Variants in ATP8A1 observed in about 807,000 individuals in gnomAD.
The protein encoded by ATP8A1 is ATPase phospholipid transporting 8A1.
In ATP8A1, 90 loss-of-function variants were observed where a neutral mutation model predicts 177.7. The ratio of observed to expected loss-of-function variants is 0.51; its 90% CI spans 0.43 to 0.60. The LOEUF is 0.60. Among genes scored for constraint, ATP8A1 ranks in the 20% least tolerant of loss-of-function variants. ATP8A1 has a pLI of 0.00. For synonymous variants in ATP8A1, 493 were observed against 485.9 expected, an observed-to-expected ratio of 1.01 and a Z score of -0.19; for missense variants, 1,072 against 1,392.8, an observed-to-expected ratio of 0.77 and a Z score of 3.67.
rs73166556 is a variant in ATP8A1, at chr4:42,624,675, T to G, written c.265-41A>C. The stretch of plus-strand genomic sequence containing the variant: ...AAAAAAAGAGAAATCCAATGAGAAC[T>G]AGAAAATTTATAATAGATTCAAGAA... On this transcript the variant is annotated intron_variant, in intron 3 of 36. Transcript: ENST00000381668. 4,998 of 1,099,952 alleles carry G rather than the reference T, an allele frequency of 4.5e-3. 133 individuals are homozygous for G. The African/African-American group carries it at 0.063, about 14-fold the overall frequency. The allele number at this position is 1,099,952 out of a possible 1,614,324, so 68.1% of individuals were successfully genotyped here.
chr4:42,480,748 G>A (rs1721588617), intron 25 of ATP8A1, among the ~76,000 whole-genome samples: 1 of 152,138 alleles, frequency 6.6e-6, no homozygotes, highest in Admixed American at 6.5e-5. Context: ...TGCCTGGAAT[G>A]CCACTCCCAA....
intron 33 of ATP8A1, among the ~76,000 whole-genome samples, chr4:42,435,203 A>C (rs1339475264): frequency 6.6e-6 from 1 of 152,094 alleles, no homozygotes; most frequent in African/African-American, 2.4e-5. Flanking sequence ...AGATGGGTGG[A>C]TCACCTGAGG....
intron 22 of ATP8A1, among the ~76,000 whole-genome samples, chr4:42,517,480 A>C (rs1256709721): frequency 1.3e-5 from 2 of 152,172 alleles, no homozygotes; most frequent in Admixed American, 6.5e-5. Context: ...GGTGACAAAA[A>C]GAGACTAAGA....
chr4:42,423,837 G>C, intron 33 of ATP8A1, 132 bp from the exon 34 acceptor site: 1 of 493,020 alleles, frequency 2.0e-6, no homozygotes, highest in Non-Finnish European at 3.7e-6. Context: ...CTCTGAATTC[G>C]AACTTATGAA....
intron 33 of ATP8A1, among the ~76,000 whole-genome samples, chr4:42,428,742 C>T (rs1424412657): frequency 6.6e-6 from 1 of 152,172 alleles, no homozygotes; most frequent in African/African-American, 2.4e-5. Flanking sequence ...TATCTGACTT[C>T]TGATTGCTTT....
intron 14 of ATP8A1, 34 bp from the exon 15 acceptor site, chr4:42,569,239 G>GA (rs1459965725): frequency 7.0e-6 from 11 of 1,565,402 alleles, no homozygotes; most frequent in Non-Finnish European, 8.7e-6. Context: ...AGAAAGAGAG[G>GA]AAAAATAATC....
At chr4:42,447,806 C>A (rs1717448048) in intron 30 of ATP8A1, among the ~76,000 whole-genome samples, 1 of 152,016 alleles carries the variant, frequency 6.6e-6, no homozygotes, top group Non-Finnish European at 1.5e-5. Context: ...ATAATCAATC[C>A]CTATGGAACT....
chr4:42,518,395 C>G (rs1725780327), intron 22 of ATP8A1, among the ~76,000 whole-genome samples: 1 of 152,124 alleles, frequency 6.6e-6, no homozygotes, highest in African/African-American at 2.4e-5. Flanking sequence ...TTCTAAAAGT[C>G]CACATACAAA....
intron 5 of ATP8A1, 142 bp from the exon 6 acceptor site, chr4:42,600,660 G>A: frequency 1.4e-6 from 1 of 697,732 alleles, no homozygotes; most frequent in Non-Finnish European, 2.3e-6. Flanking sequence ...AATTATGATA[G>A]CAAGAATATG....
Position 42,625,710 on chromosome 4 carries a change from A to G in ATP8A1, c.168T>C (p.Thr56=), listed in dbSNP as rs1279881723. ...LTKFCNNHVS[T]AKYNIITFLP... ...GGAATGTGATTATGTTGTATTTTGC[A>G]GTGCTAGAAAACAAAAATGAAAAGT... is the stretch of plus-strand genomic sequence containing the variant. The change falls in exon 3 of 37, where the codon ACT becomes ACC. Residue 56 remains threonine (T), a synonymous_variant. Coordinates refer to ENST00000381668, the MANE Select transcript of ATP8A1 (RefSeq NM_006095.2). 4.4e-6 allele frequency: 7 copies of G among 1,584,446 alleles called. No homozygotes were observed. Among genetic ancestry groups the G allele is most frequent in the Middle Eastern group, 1.7e-4 (1 of 5,990 alleles).
At chr4:42,471,553 G>C (rs552060853) in intron 25 of ATP8A1, among the ~76,000 whole-genome samples, 259 of 152,308 alleles carry the variant, frequency 1.7e-3, no homozygotes, top group African/African-American at 6.0e-3. Flanking sequence ...GTGTGTATTT[G>C]ATTATGCATG....
intron 8 of ATP8A1, 145 bp from the exon 9 acceptor site, chr4:42,586,621 T>C: frequency 1.2e-6 from 1 of 823,914 alleles, no homozygotes; most frequent in Non-Finnish European, 1.8e-6. Flanking sequence ...TGTCAAATCA[T>C]AATTAAGAGA....
At chr4:42,494,137 G>T (rs887522137) in intron 24 of ATP8A1, among the ~76,000 whole-genome samples, 5 of 122,342 alleles carry the variant, frequency 4.1e-5, no homozygotes, top group Middle Eastern at 7.6e-3. Context: ...GGAGGCAGAG[G>T]TTGCAGTGAG....
At chr4:42,656,619 C>T (rs977033272) in intron 1 of ATP8A1, among the ~76,000 whole-genome samples, 5 of 152,114 alleles carry the variant, frequency 3.3e-5, no homozygotes, top group African/African-American at 9.7e-5. Context: ...CGGAGAACAC[C>T]CATTCGAGGG....
chr4:42,576,475 C>CAAAAAAAAAAAAAAAAAAAA (rs1159794343), intron 12 of ATP8A1, among the ~76,000 whole-genome samples: 3 of 32,402 alleles, frequency 9.3e-5, no homozygotes, highest in East Asian at 9.3e-4. Context: ...GACGCCGTCT[C>CAAAAAAAAAAAAAAAAAAAA]AAAAAAAAAA....
At chr4:42,413,828 T>C (rs544745005) in intron 36 of ATP8A1, among the ~76,000 whole-genome samples, 3 of 152,328 alleles carry the variant, frequency 2.0e-5, no homozygotes, top group South Asian at 2.1e-4. Context: ...TCCATAAATA[T>C]AGACAATTAT....
intron 12 of ATP8A1, among the ~76,000 whole-genome samples, chr4:42,576,529 G>C (rs1446501975): frequency 2.6e-5 from 3 of 113,822 alleles, no homozygotes; most frequent in Non-Finnish European, 5.4e-5. Context: ...TTACTTATTT[G>C]TACTTGCCTT....
At chr4:42,557,550 T>C (rs1730370161) in intron 15 of ATP8A1, among the ~76,000 whole-genome samples, 1 of 152,216 alleles carries the variant, frequency 6.6e-6, no homozygotes, top group Admixed American at 6.5e-5. Flanking sequence ...ATCTCACCAA[T>C]AATTCTTTCA....
At chr4:42,594,160 T>G in intron 6 of ATP8A1, 1 of 532,868 alleles carries the variant, frequency 1.9e-6, no homozygotes, top group East Asian at 2.9e-5. Flanking sequence ...TTTTAAATGT[T>G]TAAATAAAAA....
Sources: allele counts gnomAD v4.1 joint callset (sites outside exome capture counted in the v4.1 genomes callset), GRCh38; gene constraint gnomAD v4.1.1; transcripts MANE v1.5; gene names NCBI Gene and HGNC (gene_info 2026-07-23, HGNC 2026-07-21).